PRKCE: variants seen among roughly 807,000 people sequenced by gnomAD.
The protein encoded by PRKCE is protein kinase C epsilon, also known as protein kinase C epsilon type.
In PRKCE, 16 loss-of-function variants were observed where a neutral mutation model predicts 85.4. The observed-to-expected ratio is 0.19, with a 90% CI of 0.13 to 0.28. PRKCE has a LOEUF of 0.28. Among genes scored for constraint, PRKCE ranks in the 10% least tolerant of loss-of-function variants. The pLI is 1.00. For synonymous variants in PRKCE, 388 were observed against 371.5 expected (o/e 1.04, Z -0.51); for missense variants, 573 against 975.2 (o/e 0.59, Z 5.49).
At chr2:45,803,127 C>A (rs1166851967) in intron 1 of PRKCE, among the ~76,000 whole-genome samples, 1 of 152,176 alleles carries the variant, frequency 6.6e-6, no homozygotes, top group Non-Finnish European at 1.5e-5. Flanking sequence ...CAAAATTTAA[C>A]ATGTCTCAGA....
intron 10 of PRKCE, among the ~76,000 whole-genome samples, chr2:46,015,650 C>T (rs760572468): frequency 2.4e-5 from 3 of 123,874 alleles, no homozygotes; most frequent in African/African-American, 9.3e-5. Context: ...GCAAAAGTGT[C>T]ATTTCAAGGA....
intron 1 of PRKCE, among the ~76,000 whole-genome samples, chr2:45,752,207 T>C (rs1309081238): frequency 6.6e-6 from 1 of 152,248 alleles, no homozygotes; most frequent in Non-Finnish European, 1.5e-5. Context: ...ATTCATCTGA[T>C]TTCACTCATA....
chr2:45,941,223 A>G (rs545156020), intron 2 of PRKCE, among the ~76,000 whole-genome samples: 1 of 152,278 alleles, frequency 6.6e-6, no homozygotes, highest in African/African-American at 2.4e-5. Flanking sequence ...CCACTTGCTC[A>G]TGGATTTAAC....
intron 10 of PRKCE, among the ~76,000 whole-genome samples, chr2:46,085,736 G>GTTTTTTTTCT (rs1669545786): frequency 9.6e-6 from 1 of 104,564 alleles, no homozygotes; most frequent in Non-Finnish European, 1.8e-5. Context: ...TGCAAAATCC[G>GTTTTTTTTCT]TTTTTTTTTT....
Position 45,884,976 on chromosome 2 carries a change from TATATATATATATATATA to T in PRKCE, c.412+41914_412+41930del, listed in dbSNP as rs1216882402. On this transcript the variant is annotated intron_variant, in intron 2 of 14. Transcript: ENST00000306156. ...ATCCATATATATATATATATATATA[TATATATATATATATATA>T]TATATATATTTGTTGTTGTTGTTGT... is the stretch of plus-strand genomic sequence containing the variant. 1.2e-3 allele frequency among the ~76,000 whole-genome samples: 85 copies of T among 69,150 alleles called. 5 individuals are homozygous for T. The East Asian group carries it at 0.029, about 24-fold the overall frequency. The allele number at this position is 69,150 out of a possible 152,430, so 45.4% of individuals were successfully genotyped here.
intron 13 of PRKCE, among the ~76,000 whole-genome samples, chr2:46,152,568 A>G (rs1676751568): frequency 6.6e-6 from 1 of 151,930 alleles, no homozygotes; most frequent in African/African-American, 2.4e-5. Flanking sequence ...TTTTTTTTCA[A>G]GATGGAGTGT....
intron 1 of PRKCE, among the ~76,000 whole-genome samples, chr2:45,799,536 C>T (rs1003068192): frequency 3.9e-5 from 6 of 151,996 alleles, no homozygotes; most frequent in African/African-American, 1.5e-4. Context: ...TGCACTCTAG[C>T]CTGGGCAACG....
chr2:45,982,017 T>C (rs1702928967), intron 5 of PRKCE, among the ~76,000 whole-genome samples: 2 of 152,346 alleles, frequency 1.3e-5, no homozygotes, highest in African/African-American at 4.8e-5. Flanking sequence ...TATTGAGCAG[T>C]GAGAAGAAGT....
intron 2 of PRKCE, among the ~76,000 whole-genome samples, chr2:45,888,108 G>A (rs538388676): frequency 7.2e-5 from 11 of 152,314 alleles, no homozygotes; most frequent in African/African-American, 2.2e-4. Context: ...ACATGGAATC[G>A]TTGTGAATAT....
At chr2:45,839,181 G>T (rs1258731981) in intron 1 of PRKCE, among the ~76,000 whole-genome samples, 1 of 151,874 alleles carries the variant, frequency 6.6e-6, no homozygotes, top group East Asian at 1.9e-4. Flanking sequence ...TTGCATGTAT[G>T]TTTCATGGAA....
rs1299948234 is a variant in PRKCE, at chr2:45,898,709, C to T, written c.412+55646C>T. Among the ~76,000 whole-genome samples, 6 of 152,088 alleles carry T rather than the reference C, an allele frequency of 3.9e-5. No homozygotes were observed. The East Asian group carries it at 1.2e-3, about 29-fold the overall frequency. ...GTGTGGGAGATGGAGAGGGGTGGGA[C>T]ATAGAAATAGAGGAGTAGAGAGAGG... On this transcript the variant is annotated intron_variant, in intron 2 of 14. Coordinates refer to ENST00000306156, the MANE Select transcript of PRKCE (RefSeq NM_005400.3).
intron 2 of PRKCE, among the ~76,000 whole-genome samples, chr2:45,869,857 G>T (rs1425030545): frequency 3.3e-5 from 5 of 151,790 alleles, no homozygotes; most frequent in African/African-American, 1.2e-4. Flanking sequence ...ACAGGTGCAC[G>T]CCACCACGCC....
At chr2:45,672,040 G>T (rs919139439) in intron 1 of PRKCE, among the ~76,000 whole-genome samples, 5 of 148,308 alleles carry the variant, frequency 3.4e-5, no homozygotes, top group Admixed American at 6.7e-5. Flanking sequence ...TCTAGCTTGG[G>T]TGGCAGAGTG....
chr2:46,059,240 A>G (rs1276924634), intron 10 of PRKCE, among the ~76,000 whole-genome samples: 1 of 151,976 alleles, frequency 6.6e-6, no homozygotes, highest in Non-Finnish European at 1.5e-5. Context: ...GTGAGCCATG[A>G]TCGCGCCGTT....
Position 45,697,658 on chromosome 2 carries a change from C to T in PRKCE, c.348+45210C>T, listed in dbSNP as rs1207830227. On this transcript the variant is annotated intron_variant, in intron 1 of 14. Coordinates refer to ENST00000306156, the MANE Select transcript of PRKCE (RefSeq NM_005400.3). The surrounding 1 kb of genome is among the most constrained non-coding windows in gnomAD (Gnocchi z 4.2). Reference sequence around the variant, plus strand: ...ACATCCCTGCAGGTGCCATCTTCACCTGAAGGCCCTTGGCTCCAACCTGCC... The same window carrying T: ...ACATCCCTGCAGGTGCCATCTTCACTTGAAGGCCCTTGGCTCCAACCTGCC... 6.6e-6 allele frequency among the ~76,000 whole-genome samples: 1 copy of T among 152,154 alleles called. No individual in the cohort carries two copies. The highest frequency in any genetic ancestry group is 1.5e-5 in the Non-Finnish European group (1 of 68,022).
chr2:46,160,521 G>C (rs1677650831), intron 14 of PRKCE, among the ~76,000 whole-genome samples: 1 of 152,218 alleles, frequency 6.6e-6, no homozygotes, highest in African/African-American at 2.4e-5. Flanking sequence ...GCCCGTTGAA[G>C]CAATCAATCA....
chr2:45,918,628 T>C (rs993110330), intron 2 of PRKCE, among the ~76,000 whole-genome samples: 17 of 152,146 alleles, frequency 1.1e-4, no homozygotes, highest in African/African-American at 3.9e-4. Context: ...TCAACCCAAA[T>C]CTCTGAAGCT....
chr2:46,180,871 C>G (rs1000679790), intron 14 of PRKCE, among the ~76,000 whole-genome samples: 1 of 152,262 alleles, frequency 6.6e-6, no homozygotes, highest in African/African-American at 2.4e-5. Flanking sequence ...AGCCGGTGAT[C>G]TTCCTCCTAC....
intron 1 of PRKCE, among the ~76,000 whole-genome samples, chr2:45,762,849 C>T (rs992315934): frequency 6.6e-6 from 1 of 152,128 alleles, no homozygotes; most frequent in Non-Finnish European, 1.5e-5. Flanking sequence ...TGTTGGGGGC[C>T]CTCAGGCTGT....
Sources: gnomAD v4.1 joint callset for allele counts (sites outside exome capture counted in the v4.1 genomes callset) on GRCh38, gnomAD v4.1.1 for gene constraint, Gnocchi (gnomAD v3.1) non-coding constraint, MANE v1.5 for transcripts, NCBI Gene and HGNC (gene_info 2026-07-23, HGNC 2026-07-21) for gene names.